The following RGPD2 variants were observed in gnomAD, a reference collection of about 807,000 sequenced individuals.
RGPD2 encodes the protein RANBP2 like and GRIP domain containing 2.
A neutral mutation model predicts 36.0 loss-of-function variants in RGPD2; 2 were observed. That is an observed-to-expected ratio of 0.06 (90% CI 0.02 to 0.17). RGPD2 has a LOEUF of 0.17. RGPD2 is among the 10% of genes least tolerant of loss of function. The pLI, the probability that RGPD2 is intolerant of heterozygous loss-of-function variation, is 1.00. For missense variants in RGPD2, 40 were observed against 464.3 expected, an observed-to-expected ratio of 0.09 and a Z score of 8.40; for synonymous variants, 19 against 163.8, an observed-to-expected ratio of 0.12 and a Z score of 6.75.
At chr2:87,905,530 A>G in the RGPD2 span, among the ~76,000 whole-genome samples, 1 of 151,044 alleles carries the variant, frequency 6.6e-6, no homozygotes, top group Non-Finnish European at 1.5e-5. Flanking sequence ...ACATACCACC[A>G]AATGTATTCA....
the RGPD2 span, among the ~76,000 whole-genome samples, chr2:87,961,559 G>A: frequency 3.2e-4 from 48 of 151,332 alleles, no homozygotes; most frequent in Non-Finnish European, 4.7e-4. Flanking sequence ...AAAATTACCC[G>A]GGCGTGGAGG....
chr2:87,988,053 C>T, the RGPD2 span, among the ~76,000 whole-genome samples: 1 of 152,122 alleles, frequency 6.6e-6, no homozygotes, highest in Non-Finnish European at 1.5e-5. Flanking sequence ...GTGAAGATTC[C>T]TAAAATGAAA....
the RGPD2 span, among the ~76,000 whole-genome samples, chr2:87,905,104 AAAG>A: frequency 2.0e-5 from 3 of 152,110 alleles, no homozygotes; most frequent in Non-Finnish European, 4.4e-5. Context: ...GGACTGATGA[AAAG>A]AAGCCACAAA....
At chr2:87,857,553 A>G in the RGPD2 span, among the ~76,000 whole-genome samples, 1 of 150,196 alleles carries the variant, frequency 6.7e-6, no homozygotes, top group Admixed American at 6.6e-5. Flanking sequence ...CGTGTTAGCC[A>G]GGATGGTCTC....
the RGPD2 span, among the ~76,000 whole-genome samples, chr2:87,878,787 A>G: frequency 6.6e-6 from 1 of 152,172 alleles, no homozygotes; most frequent in East Asian, 1.9e-4. Flanking sequence ...CTCTACTTCT[A>G]TGAATTTGAC....
intron 1 of RGPD2, among the ~76,000 whole-genome samples, chr2:87,824,731 G>A (rs1270991506): frequency 1.0e-5 from 1 of 98,900 alleles, no homozygotes; most frequent in Admixed American, 9.3e-5. Context: ...GCCGCCGCCC[G>A]GCCAGGCCGA....
At chr2:87,825,557 GGTCGAGGCCGCCGCCCGGCC>G (rs1345321976) in intron 1 of RGPD2, 81 bp downstream of exon 1, 5 of 927,566 alleles carry the variant, frequency 5.4e-6, no homozygotes, top group African/African-American at 5.4e-5. Context: ...CGCCCGGCCA[GGTCGAGGCCGCCGCCCGGCC>G]AGGTCGAGGC....
upstream of RGPD2, among the ~76,000 whole-genome samples, chr2:87,827,051 CAG>C (rs1248914248): frequency 6.7e-6 from 1 of 149,968 alleles, no homozygotes; most frequent in Non-Finnish European, 1.5e-5. Context: ...ATGCCAAACT[CAG>C]AAAGACTTTC....
chr2:87,935,369 T>C, the RGPD2 span, among the ~76,000 whole-genome samples: 4 of 150,578 alleles, frequency 2.7e-5, no homozygotes. Flanking sequence ...GAGAGAATAT[T>C]GGTATCTACG....
At chr2:87,875,822 A>C in the RGPD2 span, among the ~76,000 whole-genome samples, 1 of 152,252 alleles carries the variant, frequency 6.6e-6, no homozygotes, top group East Asian at 1.9e-4. Flanking sequence ...GGTAGAATTC[A>C]TCCTTTAGTC....
At chr2:87,827,027 C>T (rs1686828874), upstream of RGPD2, among the ~76,000 whole-genome samples, 1 of 147,708 alleles carries the variant, frequency 6.8e-6, no homozygotes, top group African/African-American at 2.5e-5. Context: ...CTAATATAGC[C>T]TCTTCCTACT....
At chr2:87,877,685 G>GAC in the RGPD2 span, among the ~76,000 whole-genome samples, 2 of 152,168 alleles carry the variant, frequency 1.3e-5, no homozygotes, top group African/African-American at 2.4e-5. Flanking sequence ...GGCACCTGTA[G>GAC]TCCCAGCTAC....
chr2:87,870,587 G>GT, the RGPD2 span, among the ~76,000 whole-genome samples: 2 of 152,142 alleles, frequency 1.3e-5, no homozygotes, highest in African/African-American at 4.8e-5. Context: ...GTGGTCCTCT[G>GT]TGACATTTGG....
the RGPD2 span, among the ~76,000 whole-genome samples, chr2:87,970,002 A>G: frequency 6.6e-6 from 1 of 151,650 alleles, no homozygotes; most frequent in South Asian, 2.1e-4. Flanking sequence ...TTATATCATA[A>G]TTTCAATTGC....
the RGPD2 span, among the ~76,000 whole-genome samples, chr2:87,845,714 T>C: frequency 5.3e-5 from 8 of 151,904 alleles, no homozygotes; most frequent in African/African-American, 1.9e-4. Context: ...TTATCCGATC[T>C]TGAAATTTTA....
upstream of RGPD2, among the ~76,000 whole-genome samples, chr2:87,827,959 ATACTT>A (rs1686873250): frequency 7.2e-6 from 1 of 138,800 alleles, no homozygotes. Context: ...ACCCCAGAGA[ATACTT>A]TAATGCTCAA....
chr2:87,960,446 G>A, the RGPD2 span, among the ~76,000 whole-genome samples: 1 of 81,344 alleles, frequency 1.2e-5, no homozygotes, highest in Non-Finnish European at 2.5e-5. Flanking sequence ...ATAGAGCTGT[G>A]AGTGGTGACA....
chr2:87,986,483 T>C, the RGPD2 span, among the ~76,000 whole-genome samples: 3 of 151,890 alleles, frequency 2.0e-5, no homozygotes, highest in African/African-American at 7.3e-5. Flanking sequence ...AGTAACCAAA[T>C]AGCCCAGTTT....
At chr2:87,929,487 ATGTG>A in the RGPD2 span, among the ~76,000 whole-genome samples, 382 of 136,644 alleles carry the variant, frequency 2.8e-3, no homozygotes, top group African/African-American at 8.2e-3. Flanking sequence ...GTGTGTGTGT[ATGTG>A]TGTGTGTGTG....
Sources: allele counts gnomAD v4.1 joint callset (sites outside exome capture counted in the v4.1 genomes callset), GRCh38; gene constraint gnomAD v4.1.1; transcripts MANE v1.5; gene names NCBI Gene and HGNC (gene_info 2026-07-23, HGNC 2026-07-21).